PCNT: variants seen among roughly 807,000 people sequenced by gnomAD.
PCNT encodes the protein pericentrin.
PCNT carries 319 observed loss-of-function variants against 380.4 expected under a neutral mutation model. The ratio of observed to expected loss-of-function variants is 0.84; its 90% CI spans 0.77 to 0.92. PCNT has a LOEUF of 0.92. Among genes scored for constraint, PCNT ranks in the 40% least tolerant of loss-of-function variants. The pLI, the probability that PCNT is intolerant of heterozygous loss-of-function variation, is 0.00. For missense variants in PCNT, 4,400 were observed against 4,255.3 expected (o/e 1.03, Z -0.95); for synonymous variants, 1,845 against 1,735.2 (o/e 1.06, Z -1.57).
intron 15 of PCNT, among the ~76,000 whole-genome samples, chr21:46,371,928 C>A (rs567078142): frequency 1.3e-5 from 2 of 150,444 alleles, no homozygotes; most frequent in African/African-American, 4.9e-5. Flanking sequence ...ACAGCACATG[C>A]GCATGCTCAC....
rs146792192 is a variant in PCNT, at chr21:46,431,863, G to A, written c.8399G>A (p.Arg2800Gln). The A allele has an allele frequency of 2.3e-4, 371 of 1,614,010 alleles. 1 individual carries two copies. Among genetic ancestry groups the A allele is most frequent in the Admixed American group, 3.2e-4 (19 of 60,022 alleles). ...LLQKLKEEKS[R>Q]VVDLQAMLEK... Reference sequence around the variant, plus strand: ...CAGAAGCTGAAGGAGGAGAAGTCCCGGGTGGTGGACTTGCAAGCGATGCTT... The same window carrying A: ...CAGAAGCTGAAGGAGGAGAAGTCCCAGGTGGTGGACTTGCAAGCGATGCTT... The change falls in exon 38 of 47, where the codon CGG becomes CAG. Residue 2800 changes from arginine to glutamine, a missense_variant. Transcript: ENST00000359568.
intron 15 of PCNT, among the ~76,000 whole-genome samples, chr21:46,372,326 AACACGTGCAC>A (rs1472908545): frequency 1.3e-5 from 2 of 151,274 alleles, no homozygotes; most frequent in Admixed American, 1.3e-4. Context: ...ACGCACACAC[AACACGTGCAC>A]ACACATGCAC....
intron 43 of PCNT, among the ~76,000 whole-genome samples, chr21:46,442,218 G>A (rs1207740478): frequency 1.3e-5 from 2 of 152,168 alleles, no homozygotes; most frequent in East Asian, 3.9e-4. Context: ...GCCATGGTGG[G>A]TGTCTAGGGG....
chr21:46,326,493 C>T lies in PCNT; in HGVS notation c.171C>T (p.Thr57=). 1 of 1,614,196 alleles carries T rather than the reference C, an allele frequency of 6.2e-7. No individual in the cohort carries two copies. Among genetic ancestry groups the T allele is most frequent in the Non-Finnish European group, 8.5e-7 (1 of 1,180,042 alleles). Residue 57 remains threonine (T), a synonymous_variant, in exon 2 of 47, where the codon ACC becomes ACT. Transcript: ENST00000359568. The stretch of plus-strand genomic sequence containing the variant: ...CTGTCCAGGAGGAGAGTCCGGTAAC[C>T]AAGGAGGACAGCGCACTCTGTGGAG... ...DASVQEESPV[T]KEDSALCGGG...
intron 31 of PCNT, among the ~76,000 whole-genome samples, chr21:46,421,588 G>A (rs115096769): frequency 0.036 from 5,501 of 152,290 alleles, 151 homozygotes; most frequent in Middle Eastern, 0.082. Context: ...CCTTATCTCC[G>A]TGGCTGGCGT....
At chr21:46,346,350 C>T (rs2084067065) in intron 4 of PCNT, 142 bp downstream of exon 4, 9 of 750,430 alleles carry the variant, frequency 1.2e-5, no homozygotes, top group Non-Finnish European at 1.8e-5. Flanking sequence ...TGTGTGGGGC[C>T]ATCAGCAGGG....
chr21:46,349,038 A>T lies in PCNT; in HGVS notation c.1059A>T (p.Glu353Asp). ...CCCTGAAGGAAGATTGGGAATCTGA[A>T]AAAGATTTATGTTTAGAAAATCTAC... ...VKTLKEDWES[E>D]KDLCLENLRK... is the part of the protein sequence containing the mutation. The change falls in exon 7 of 47, where the codon GAA (glutamate) becomes GAT (aspartate). Residue 353 changes from glutamate to aspartate, a missense_variant. By Grantham distance (45) the Glu-to-Asp change is conservative (BLOSUM62 2). Transcript: ENST00000359568. 1 of 1,604,056 alleles carries T rather than the reference A, an allele frequency of 6.2e-7. No individual in the cohort carries two copies. The highest frequency in any genetic ancestry group is 8.5e-7 in the Non-Finnish European group (1 of 1,171,006).
At chr21:46,417,731 T>A (rs1373397015) in intron 30 of PCNT, among the ~76,000 whole-genome samples, 1 of 151,714 alleles carries the variant, frequency 6.6e-6, no homozygotes. Flanking sequence ...TGAGACCCTG[T>A]CTCTACAAAA....
At chr21:46,424,140 A>T (rs1486436193) in intron 32 of PCNT, among the ~76,000 whole-genome samples, 2 of 152,140 alleles carry the variant, frequency 1.3e-5, no homozygotes, top group Non-Finnish European at 2.9e-5. Context: ...CACAGACGCC[A>T]AGAGTGTGGT....
intron 37 of PCNT, chr21:46,431,241 C>T (rs1407770586): frequency 2.1e-5 from 27 of 1,273,172 alleles, no homozygotes; most frequent in African/African-American, 9.1e-5. Flanking sequence ...GGAGAGGGGG[C>T]GGGCAGGGGA....
At chr21:46,437,453 G>A (rs1413041901) in intron 40 of PCNT, among the ~76,000 whole-genome samples, 2 of 152,212 alleles carry the variant, frequency 1.3e-5, no homozygotes, top group Non-Finnish European at 2.9e-5. Context: ...TGGTCAGGAG[G>A]GGCTATGGTT....
chr21:46,341,313 G>A (rs544541377), intron 3 of PCNT, among the ~76,000 whole-genome samples: 2 of 151,804 alleles, frequency 1.3e-5, no homozygotes, highest in East Asian at 1.9e-4. Context: ...CCATATGTCC[G>A]TTATTCCGCT....
chr21:46,440,979 T>C lies in PCNT; in HGVS notation c.9518T>C (p.Met3173Thr), dbSNP rs778876433. Reference protein sequence around the residue: ...FQDSEQETLSMIAHLGVFPSK... With the variant: ...FQDSEQETLSTIAHLGVFPSK... Reference sequence around the variant, plus strand: ...GATTCTGAACAAGAAACACTCTCCATGATTGCCCATTTGGGGGTATTTCCT... The same window carrying C: ...GATTCTGAACAAGAAACACTCTCCACGATTGCCCATTTGGGGGTATTTCCT... Residue 3173 changes from methionine (M) to threonine (T), a missense_variant, in exon 43 of 47, where the codon ATG becomes ACG. Coordinates refer to ENST00000359568, the MANE Select transcript of PCNT (RefSeq NM_006031.6). 1 of 1,613,702 alleles carries C rather than the reference T, an allele frequency of 6.2e-7. No individual in the cohort carries two copies. The highest frequency in any genetic ancestry group is 8.5e-7 in the Non-Finnish European group (1 of 1,179,656).
intron 13 of PCNT, among the ~76,000 whole-genome samples, chr21:46,361,156 G>A (rs552790106): frequency 8.5e-5 from 13 of 152,238 alleles, no homozygotes; most frequent in South Asian, 6.2e-4. Context: ...TTTGGGAGGC[G>A]GGTGGATCAC....
chr21:46,436,820 G>A (rs960439049), intron 39 of PCNT, among the ~76,000 whole-genome samples, 159 bp from the exon 40 acceptor site: 1 of 152,156 alleles, frequency 6.6e-6, no homozygotes, highest in Admixed American at 6.5e-5. Flanking sequence ...TGTTGCCCCC[G>A]TGGGCCCCTG....
intron 3 of PCNT, among the ~76,000 whole-genome samples, chr21:46,343,141 T>A (rs2146495480): frequency 6.6e-6 from 1 of 152,304 alleles, no homozygotes; most frequent in East Asian, 1.9e-4. Flanking sequence ...CTTTACTGAT[T>A]TGGATGCCCT....
In PCNT at chr21:46,435,880, CTGTCTTTTT is replaced by C. The variant is rs2053428294; in HGVS notation, c.8752-22_8752-14del. On this transcript the variant is annotated splice_polypyrimidine_tract_variant and intron_variant, in intron 38 of 46. Coordinates refer to ENST00000359568, the MANE Select transcript of PCNT (RefSeq NM_006031.6). ...TTGGACACTGACGTGAACGTCTTCT[CTGTCTTTTT>C]TCTGTTAACAACAGCGAGAATTAGA... 1 of 1,613,878 alleles carries C rather than the reference CTGTCTTTTT, an allele frequency of 6.2e-7. No homozygotes were observed.
intron 12 of PCNT, 36 bp from the exon 13 acceptor site, chr21:46,356,938 C>G: frequency 6.3e-7 from 1 of 1,593,724 alleles, no homozygotes; most frequent in Non-Finnish European, 8.6e-7. Context: ...GGGCCGGCAC[C>G]GGCCTGACTG....
chr21:46,419,723 G>A (rs1320112009), intron 31 of PCNT, among the ~76,000 whole-genome samples: 6 of 152,144 alleles, frequency 3.9e-5, no homozygotes, highest in African/African-American at 7.2e-5. Flanking sequence ...GCTCCCAGGC[G>A]GCCCCTTGCC....
Sources: gnomAD v4.1 joint callset for allele counts (sites outside exome capture counted in the v4.1 genomes callset) on GRCh38, gnomAD v4.1.1 for gene constraint, MANE v1.5 for transcripts, NCBI Gene and HGNC (gene_info 2026-07-23, HGNC 2026-07-21) for gene names.